The following TRIM9 variants were observed in gnomAD, a reference collection of about 807,000 sequenced individuals.
TRIM9 encodes E3 ubiquitin-protein ligase TRIM9.
TRIM9 carries 26 observed loss-of-function variants against 78.3 expected under a neutral mutation model. That is an observed-to-expected ratio of 0.33 (90% CI 0.24 to 0.46). The LOEUF (loss-of-function observed/expected upper bound fraction) is 0.46. Ranked by LOEUF, TRIM9 falls within the 20% of genes least tolerant of loss-of-function variation. TRIM9 has a pLI of 1.00. For synonymous variants in TRIM9, 398 were observed against 416.5 expected (o/e 0.96, Z 0.54); for missense variants, 787 against 1,036.4 (o/e 0.76, Z 3.30).
intron 7 of TRIM9, chr14:50,996,153 T>C (rs1275886211): frequency 2.0e-6 from 2 of 985,092 alleles, no homozygotes; most frequent in Admixed American, 6.1e-5. Flanking sequence ...TATATGATGA[T>C]AGGCTTTTCT....
chr14:51,061,406 C>T (rs898351358), intron 1 of TRIM9, among the ~76,000 whole-genome samples: 1 of 131,124 alleles, frequency 7.6e-6, no homozygotes, highest in African/African-American at 3.0e-5. Context: ...AAGCAAGACT[C>T]TGTCTCAAGA....
chr14:51,071,605 C>A (rs1405378915), intron 1 of TRIM9, among the ~76,000 whole-genome samples: 9 of 151,722 alleles, frequency 5.9e-5, no homozygotes, highest in African/African-American at 1.9e-4. Flanking sequence ...GAGTTCAGGG[C>A]CAGCCTGGGC....
At chr14:50,978,995 T>C in intron 12 of TRIM9, 1 of 1,178,150 alleles carries the variant, frequency 8.5e-7, no homozygotes, top group Non-Finnish European at 1.1e-6. Flanking sequence ...ATGATACTAA[T>C]GCTTCAGTCT....
intron 1 of TRIM9, among the ~76,000 whole-genome samples, chr14:51,078,409 C>T (rs369089267): frequency 8.5e-5 from 13 of 152,090 alleles, no homozygotes; most frequent in Middle Eastern, 3.4e-3. Context: ...CTTGGATTCA[C>T]GATAGCCAAG....
At chr14:50,982,733 C>A (rs1043587083) in intron 10 of TRIM9, 1 of 515,298 alleles carries the variant, frequency 1.9e-6, no homozygotes, top group South Asian at 3.4e-5. Flanking sequence ...GAAACTAACA[C>A]GTCAGAAATT....
chr14:51,012,314 A>G (rs769824618), intron 3 of TRIM9, among the ~76,000 whole-genome samples: 1 of 152,234 alleles, frequency 6.6e-6, no homozygotes. Context: ...CTCTTACATA[A>G]GTGCAATCAT....
chr14:50,990,911 C>T (rs1415067050), intron 7 of TRIM9, among the ~76,000 whole-genome samples: 1 of 152,162 alleles, frequency 6.6e-6, no homozygotes, highest in East Asian at 1.9e-4. Context: ...AGGCTGTTTT[C>T]ATAAATGGTC....
At chr14:50,990,204 G>A (rs1442782028) in intron 7 of TRIM9, among the ~76,000 whole-genome samples, 1 of 152,120 alleles carries the variant, frequency 6.6e-6, no homozygotes, top group East Asian at 1.9e-4. Flanking sequence ...TTTCTGTAGA[G>A]ACAAGGTCTT....
At chr14:51,072,049 G>A (rs1317266693) in intron 1 of TRIM9, among the ~76,000 whole-genome samples, 3 of 152,120 alleles carry the variant, frequency 2.0e-5, no homozygotes, top group African/African-American at 4.8e-5. Flanking sequence ...CTTCCTTCCC[G>A]GTGTTCTCTG....
At chr14:51,061,438 T>C (rs2061346905) in intron 1 of TRIM9, among the ~76,000 whole-genome samples, 1 of 150,702 alleles carries the variant, frequency 6.6e-6, no homozygotes, top group African/African-American at 2.4e-5. Flanking sequence ...AAAATTGGAT[T>C]GTTGACTTTT....
chr14:51,068,657 G>A (rs1317314513), intron 1 of TRIM9, among the ~76,000 whole-genome samples: 1 of 152,160 alleles, frequency 6.6e-6, no homozygotes, highest in East Asian at 1.9e-4. Flanking sequence ...CTAAGCTCTT[G>A]GCCAGACACT....
At chr14:51,021,644 C>T (rs1340314551) in intron 3 of TRIM9, among the ~76,000 whole-genome samples, 1 of 152,228 alleles carries the variant, frequency 6.6e-6, no homozygotes, top group Non-Finnish European at 1.5e-5. Context: ...ATCAACACTG[C>T]ACACCACATA....
At chr14:51,005,528 A>G (rs1475199658) in intron 5 of TRIM9, among the ~76,000 whole-genome samples, 1 of 152,140 alleles carries the variant, frequency 6.6e-6, no homozygotes, top group Non-Finnish European at 1.5e-5. Context: ...TTGGGGGAGG[A>G]AGTAGGTATC....
intron 8 of TRIM9, among the ~76,000 whole-genome samples, chr14:50,985,588 C>G (rs1021170267): frequency 1.3e-5 from 2 of 152,216 alleles, no homozygotes; most frequent in African/African-American, 4.8e-5. Flanking sequence ...TACAGAAGGG[C>G]TGCAAACCTC....
intron 3 of TRIM9, among the ~76,000 whole-genome samples, chr14:51,012,990 G>T (rs1473186201): frequency 6.6e-6 from 1 of 152,054 alleles, no homozygotes; most frequent in Non-Finnish European, 1.5e-5. Context: ...CTGTTGGGTG[G>T]GTTGCCTTTT....
chr14:51,027,781 T>A (rs875205), intron 1 of TRIM9, among the ~76,000 whole-genome samples: 64,126 of 151,958 alleles, frequency 0.42, 15,031 homozygotes, highest in African/African-American at 0.63. Flanking sequence ...GGCAATAATA[T>A]GAGAGGCATA....
chr14:51,015,500 C>CTTTT (rs1365183081), intron 3 of TRIM9, among the ~76,000 whole-genome samples: 1 of 103,470 alleles, frequency 9.7e-6, no homozygotes, highest in African/African-American at 4.0e-5. Context: ...TCTTTCTTTA[C>CTTTT]TTTTCTTTTT....
intron 1 of TRIM9, among the ~76,000 whole-genome samples, chr14:51,038,460 G>A (rs570137546): frequency 7.9e-5 from 12 of 152,250 alleles, no homozygotes; most frequent in Admixed American, 6.5e-4. Flanking sequence ...CACCTTTGGC[G>A]GTGGTCGGAT....
At chr14:50,993,598 C>T (rs2053816642) in intron 7 of TRIM9, among the ~76,000 whole-genome samples, 1 of 152,240 alleles carries the variant, frequency 6.6e-6, no homozygotes, top group Middle Eastern at 3.4e-3. Context: ...GAACTCTTGA[C>T]CTCAGGAGAT....
Sources: allele counts gnomAD v4.1 joint callset (sites outside exome capture counted in the v4.1 genomes callset), GRCh38; gene constraint gnomAD v4.1.1; transcripts MANE v1.5; gene names NCBI Gene and HGNC (gene_info 2026-07-23, HGNC 2026-07-21).